The following ANKRD36C variants were observed in gnomAD, a reference collection of about 807,000 sequenced individuals.
ANKRD36C encodes the protein ankyrin repeat domain 36C.
Under a neutral mutation model 276.4 loss-of-function variants are expected in ANKRD36C, and 61 were observed. The ratio of observed to expected loss-of-function variants is 0.22; its 90% CI spans 0.18 to 0.27. The LOEUF (loss-of-function observed/expected upper bound fraction) is 0.27, where lower values mean the gene tolerates loss of function less well. Among genes scored for constraint, ANKRD36C ranks in the 10% least tolerant of loss-of-function variants. The probability of loss-of-function intolerance (pLI) is 1.00; values close to 1 mark genes in which losing one functional copy is unlikely to be tolerated. For synonymous variants in ANKRD36C, 483 were observed against 680.1 expected (o/e 0.71, Z 4.51); for missense variants, 1,447 against 2,032.3 (o/e 0.71, Z 5.54).
At chr2:95,986,301 T>C (rs1313388749) in intron 3 of ANKRD36C, among the ~76,000 whole-genome samples, 1 of 152,126 alleles carries the variant, frequency 6.6e-6, no homozygotes, top group East Asian at 1.9e-4. Flanking sequence ...TCAGATGAAA[T>C]CACCTTCACA....
chr2:95,986,387 G>T (rs1235717393), intron 3 of ANKRD36C, among the ~76,000 whole-genome samples: 1 of 152,008 alleles, frequency 6.6e-6, no homozygotes, highest in African/African-American at 2.4e-5. Flanking sequence ...TTAAAATAAA[G>T]CCTATTTATA....
chr2:95,893,622 A>G lies in ANKRD36C; in HGVS notation c.2756-1762T>C. ...ACCTGTAGCCTGAATGGAATTTGAA[A>G]TGAAATAATAAATAAAATATGTTTC... On this transcript the variant is annotated intron_variant, in intron 44 of 66. Coordinates refer to ENST00000456556, the Ensembl canonical transcript of ANKRD36C. The G allele has an allele frequency of 1.3e-6, 2 of 1,588,582 alleles. No individual in the cohort carries two copies. Among genetic ancestry groups the G allele is most frequent in the Non-Finnish European group, 1.7e-6 (2 of 1,167,070 alleles).
chr2:95,981,210 G>C (rs1341525665), intron 4 of ANKRD36C, among the ~76,000 whole-genome samples: 1 of 151,634 alleles, frequency 6.6e-6, no homozygotes, highest in Non-Finnish European at 1.5e-5. Context: ...AATAGTAGTA[G>C]TCGTAGCTTC....
At chr2:95,873,011 T>C (rs1036156673) in intron 59 of ANKRD36C, among the ~76,000 whole-genome samples, 5 of 152,134 alleles carry the variant, frequency 3.3e-5, no homozygotes, top group African/African-American at 1.2e-4. Context: ...GCTCTGAAAT[T>C]GTGGCAATAA....
intron 14 of ANKRD36C, among the ~76,000 whole-genome samples, chr2:95,952,835 A>G (rs1236653965): frequency 6.6e-6 from 1 of 152,420 alleles, no homozygotes; most frequent in East Asian, 1.9e-4. Context: ...CACATTAAAA[A>G]CTATTAAAGT....
chr2:95,973,737 T>G (rs1205088421), intron 6 of ANKRD36C, among the ~76,000 whole-genome samples: 1 of 152,072 alleles, frequency 6.6e-6, no homozygotes, highest in African/African-American at 2.4e-5. Flanking sequence ...TTTAAACTCA[T>G]TTTGGGGAAT....
chr2:95,875,973 G>A (rs1012867596), intron 59 of ANKRD36C: 10 of 442,960 alleles, frequency 2.3e-5, no homozygotes, highest in Non-Finnish European at 4.5e-5. Flanking sequence ...CATAGAAACT[G>A]AAGTCAGAGA....
chr2:95,935,194 C>T (rs1677681941), intron 24 of ANKRD36C, among the ~76,000 whole-genome samples: 1 of 152,272 alleles, frequency 6.6e-6, no homozygotes, highest in African/African-American at 2.4e-5. Flanking sequence ...GAACCCCTAA[C>T]ATGCATACAA....
chr2:95,928,307 T>G (rs75397610), intron 26 of ANKRD36C, among the ~76,000 whole-genome samples: 3 of 151,538 alleles, frequency 2.0e-5, no homozygotes, highest in Admixed American at 2.0e-4. Flanking sequence ...TATCCAAGAG[T>G]TAGCTCCTTG....
intron 42 of ANKRD36C, among the ~76,000 whole-genome samples, chr2:95,911,977 A>T (rs1676940942): frequency 6.6e-6 from 1 of 151,464 alleles, no homozygotes; most frequent in African/African-American, 2.4e-5. Flanking sequence ...AAGCAAAACT[A>T]TGCTGTACCC....
chr2:95,947,684 T>C (rs1678088275), intron 17 of ANKRD36C, among the ~76,000 whole-genome samples: 1 of 152,150 alleles, frequency 6.6e-6, no homozygotes, highest in Admixed American at 6.5e-5. Flanking sequence ...ATCAAACAGG[T>C]TGTTATTTTA....
intron 19 of ANKRD36C, among the ~76,000 whole-genome samples, chr2:95,943,858 T>C (rs1677963502): frequency 6.6e-6 from 1 of 152,078 alleles, no homozygotes; most frequent in African/African-American, 2.4e-5. Context: ...AATTAATAAA[T>C]AGATGTATAT....
At chr2:95,914,288 G>C (rs2104404933) in exon 39 of ANKRD36C, 2 of 1,549,888 alleles carry the variant, frequency 1.3e-6, no homozygotes, top group South Asian at 1.2e-5. Context: ...CAAGCCTGCT[G>C]GTTTCTCAGA....
At position 95,944,766 on chromosome 2, in the gene ANKRD36C, G is replaced by A. The variant is rs1225696973; in HGVS notation, c.1424-72C>T. 6 of 1,492,106 alleles carry A rather than the reference G, an allele frequency of 4.0e-6. No homozygotes were observed. The Admixed American group carries it at 5.9e-5, about 15-fold the overall frequency. The allele number at this position is 1,492,106 out of a possible 1,614,324, so 92.4% of individuals were successfully genotyped here. A position where few individuals can be genotyped will look rare whatever the true frequency, so the allele number is the denominator to read the frequency against. The stretch of plus-strand genomic sequence containing the variant: ...GAATCAGTAAATAAGAACCGGGTGT[G>A]GGGGCTCACAGCTTTAATCCCAGCA... On this transcript the variant is annotated intron_variant, in intron 18 of 66. Coordinates refer to ENST00000456556, the Ensembl canonical transcript of ANKRD36C.
At chr2:95,889,380 T>C (rs1204946326) in intron 48 of ANKRD36C, among the ~76,000 whole-genome samples, 1 of 151,608 alleles carries the variant, frequency 6.6e-6, no homozygotes, top group Non-Finnish European at 1.5e-5. Context: ...ACTGCTCTTG[T>C]TACTTCTCAT....
Position 95,962,429 on chromosome 2 carries a change from G to A in ANKRD36C, c.829-5C>T, listed in dbSNP as rs185721953. 3.8e-6 allele frequency: 6 copies of A among 1,576,958 alleles called. No individual in the cohort carries two copies. Among genetic ancestry groups the A allele is most frequent in the Non-Finnish European group, 5.2e-6 (6 of 1,161,792 alleles). ...ATCTTCCTTGCCACTTGTAGCCTGA[G>A]TGGGATTTGAAACAAAATAATCAAT... On this transcript the variant is annotated splice_polypyrimidine_tract_variant and splice_region_variant and intron_variant, in intron 7 of 66. Coordinates refer to ENST00000456556, the Ensembl canonical transcript of ANKRD36C.
chr2:95,889,686 G>A, intron 48 of ANKRD36C, 113 bp downstream of exon 68: 7 of 1,388,376 alleles, frequency 5.0e-6, no homozygotes, highest in Non-Finnish European at 7.0e-6. Flanking sequence ...ATAATCTCAG[G>A]AATACTGAAT....
At chr2:95,869,164 G>A (rs1219654672) in intron 59 of ANKRD36C, among the ~76,000 whole-genome samples, 4 of 152,160 alleles carry the variant, frequency 2.6e-5, no homozygotes, top group Admixed American at 1.3e-4. Context: ...AATAATTAAA[G>A]TTTAATATCA....
chr2:95,880,576 T>C lies in ANKRD36C; in HGVS notation c.3396+19A>G, dbSNP rs1260662995. Reference sequence around the variant, plus strand: ...GTTATGCAGTTAATAATTAAAAATATAAATGTAAGAGTAATTACCTTCAAG... The same window carrying C: ...GTTATGCAGTTAATAATTAAAAATACAAATGTAAGAGTAATTACCTTCAAG... On this transcript the variant is annotated intron_variant, in intron 57 of 66. Coordinates refer to ENST00000456556, the Ensembl canonical transcript of ANKRD36C. The C allele has an allele frequency of 3.3e-6, 5 of 1,533,120 alleles. No individual in the cohort carries two copies. In the African/African-American group the frequency reaches 4.1e-5, roughly 13 times the overall value. 95.0% of individuals were successfully genotyped at this position (1,533,120 alleles called of 1,614,324 possible). A position where few individuals can be genotyped will look rare whatever the true frequency, so the allele number is the denominator to read the frequency against.
Sources: allele counts gnomAD v4.1 joint callset (sites outside exome capture counted in the v4.1 genomes callset), GRCh38; gene constraint gnomAD v4.1.1; transcripts MANE v1.5; gene names NCBI Gene and HGNC (gene_info 2026-07-23, HGNC 2026-07-21).